SLX4IP: variants seen among roughly 807,000 people sequenced by gnomAD.
The protein encoded by SLX4IP is SLX4 interacting protein.
SLX4IP carries 34 observed loss-of-function variants against 32.9 expected under a neutral mutation model. The observed-to-expected ratio is 1.03, with a 90% CI of 0.79 to 1.38. The LOEUF is 1.38. Among genes scored for constraint, SLX4IP ranks in the 40% most tolerant of loss-of-function variants. SLX4IP has a pLI of 0.00. For missense variants in SLX4IP, 444 were observed against 479.0 expected, an observed-to-expected ratio of 0.93 and a Z score of 0.68; for synonymous variants, 172 against 171.7, an observed-to-expected ratio of 1.00 and a Z score of -0.01.
intron 6 of SLX4IP, among the ~76,000 whole-genome samples, chr20:10,605,073 T>G (rs903560030): frequency 4.6e-5 from 7 of 152,242 alleles, no homozygotes; most frequent in African/African-American, 1.7e-4. Flanking sequence ...GAAACTGTTT[T>G]CTTTCTCAGA....
intron 2 of SLX4IP, among the ~76,000 whole-genome samples, chr20:10,473,541 C>T (rs759022839): frequency 2.0e-5 from 3 of 151,694 alleles, no homozygotes; most frequent in African/African-American, 7.3e-5. Context: ...TAATATTTTT[C>T]TGCCAGAGTG....
At chr20:10,618,739 C>T (rs1005970253) in intron 6 of SLX4IP, among the ~76,000 whole-genome samples, 20 of 152,290 alleles carry the variant, frequency 1.3e-4, no homozygotes, top group Admixed American at 7.8e-4. Flanking sequence ...AGGGTTGTCC[C>T]GTAAGCCCAG....
intron 4 of SLX4IP, among the ~76,000 whole-genome samples, chr20:10,584,348 G>A (rs1184068595): frequency 6.6e-6 from 1 of 152,130 alleles, no homozygotes; most frequent in Non-Finnish European, 1.5e-5. Context: ...TGTTGCTATA[G>A]AATCCAGCTA....
At chr20:10,601,223 C>A (rs1322000262) in intron 5 of SLX4IP, among the ~76,000 whole-genome samples, 1 of 152,110 alleles carries the variant, frequency 6.6e-6, no homozygotes, top group African/African-American at 2.4e-5. Context: ...CTGCTGTTTT[C>A]CCAGCCTGCT....
At chr20:10,613,636 C>T in intron 6 of SLX4IP, 8 of 1,614,050 alleles carry the variant, frequency 5.0e-6, no homozygotes, top group Non-Finnish European at 6.8e-6. Flanking sequence ...TTGGCCTCTT[C>T]CTGAGCCCTC....
intron 2 of SLX4IP, among the ~76,000 whole-genome samples, chr20:10,532,778 ATT>A (rs71334411): frequency 9.9e-4 from 145 of 146,580 alleles, no homozygotes; most frequent in East Asian, 4.6e-3. Flanking sequence ...GCCACAAGCA[ATT>A]TTTTTTTTTT....
At chr20:10,597,846 C>T (rs995524444) in intron 4 of SLX4IP, among the ~76,000 whole-genome samples, 3 of 152,134 alleles carry the variant, frequency 2.0e-5, no homozygotes, top group South Asian at 2.1e-4. Context: ...GCATTCTTGC[C>T]AACACTTTAT....
At position 10,583,012 on chromosome 20, in the gene SLX4IP, T is replaced by C. The variant is rs563315595; in HGVS notation, c.239-15663T>C. 2.2e-3 allele frequency among the ~76,000 whole-genome samples: 335 copies of C among 152,290 alleles called. 3 individuals carry two copies. Among genetic ancestry groups the C allele is most frequent in the African/African-American group, 7.9e-3 (328 of 41,574 alleles). ...TACAAATAAATCTTTAAAAGAATAC[T>C]TTCATTTTTTAAAACATCAGAAATT... On this transcript the variant is annotated intron_variant, in intron 4 of 7. Transcript: ENST00000334534.
chr20:10,552,573 T>C (rs570295937), intron 2 of SLX4IP, among the ~76,000 whole-genome samples: 2 of 152,198 alleles, frequency 1.3e-5, no homozygotes, highest in South Asian at 4.1e-4. Context: ...GGGGACTGCC[T>C]GCCAAACAGT....
At chr20:10,507,611 G>A (rs1237593445) in intron 2 of SLX4IP, among the ~76,000 whole-genome samples, 2 of 152,060 alleles carry the variant, frequency 1.3e-5, no homozygotes, top group African/African-American at 4.8e-5. Flanking sequence ...CTGCATCCTA[G>A]CAGTGCAACA....
chr20:10,555,357 ACTTCACT>A (rs2066256375), intron 2 of SLX4IP, among the ~76,000 whole-genome samples: 1 of 152,068 alleles, frequency 6.6e-6, no homozygotes, highest in Non-Finnish European at 1.5e-5. Flanking sequence ...CTCAGAAATT[ACTTCACT>A]CATATGTGAG....
intron 1 of SLX4IP, among the ~76,000 whole-genome samples, chr20:10,440,641 C>T (rs1337332584): frequency 1.3e-5 from 2 of 152,136 alleles, no homozygotes; most frequent in African/African-American, 4.8e-5. Flanking sequence ...CCTTCTGCCA[C>T]CCCTTTGTAG....
chr20:10,449,777 C>T (rs1438827195), intron 1 of SLX4IP, among the ~76,000 whole-genome samples: 1 of 152,116 alleles, frequency 6.6e-6, no homozygotes, highest in African/African-American at 2.4e-5. Flanking sequence ...AGATTTCATT[C>T]TTCCCAGGTA....
At chr20:10,476,158 A>G (rs73896564) in intron 2 of SLX4IP, among the ~76,000 whole-genome samples, 22 of 106,192 alleles carry the variant, frequency 2.1e-4, no homozygotes, top group East Asian at 1.5e-3. Context: ...GTGTGTGTGT[A>G]TATATATATC....
intron 2 of SLX4IP, among the ~76,000 whole-genome samples, chr20:10,523,399 C>A (rs1007199208): frequency 2.0e-5 from 3 of 152,134 alleles, no homozygotes; most frequent in Non-Finnish European, 4.4e-5. Flanking sequence ...TATTAAATTG[C>A]CTAAATTGTC....
chr20:10,507,496 C>A (rs761378731), intron 2 of SLX4IP, among the ~76,000 whole-genome samples: 15 of 151,946 alleles, frequency 9.9e-5, no homozygotes, highest in Non-Finnish European at 2.1e-4. Flanking sequence ...TCTGATTGCC[C>A]ATCTCATAAG....
chr20:10,491,081 C>A (rs17526293), intron 2 of SLX4IP, among the ~76,000 whole-genome samples: 58,658 of 150,982 alleles, frequency 0.39, 11,555 homozygotes, highest in Non-Finnish European at 0.43. Context: ...TAAAAAAAAA[C>A]ACAGGTTGTT....
chr20:10,600,269 C>T (rs1156934218), intron 5 of SLX4IP, among the ~76,000 whole-genome samples: 1 of 152,090 alleles, frequency 6.6e-6, no homozygotes, highest in African/African-American at 2.4e-5. Flanking sequence ...TTGAAAAAAA[C>T]CCAGGCCCCC....
At chr20:10,503,637 A>G (rs1462980890) in intron 2 of SLX4IP, among the ~76,000 whole-genome samples, 2 of 152,192 alleles carry the variant, frequency 1.3e-5, no homozygotes, top group African/African-American at 2.4e-5. Flanking sequence ...GTAACAAACA[A>G]CCACAAACTG....
Sources: gnomAD v4.1 joint callset for allele counts (sites outside exome capture counted in the v4.1 genomes callset) on GRCh38, gnomAD v4.1.1 for gene constraint, MANE v1.5 for transcripts, NCBI Gene and HGNC (gene_info 2026-07-23, HGNC 2026-07-21) for gene names.